The following ACOXL variants were observed in gnomAD, a reference collection of about 807,000 sequenced individuals.
The protein encoded by ACOXL is acyl-CoA oxidase like.
ACOXL carries 70 observed loss-of-function variants against 71.9 expected under a neutral mutation model. The observed-to-expected ratio is 0.97, with a 90% CI of 0.80 to 1.19. The LOEUF (loss-of-function observed/expected upper bound fraction) is 1.19, where lower values mean the gene tolerates loss of function less well. Ranked by LOEUF, ACOXL falls within the 50% of genes most tolerant of loss-of-function variation. ACOXL has a pLI of 0.00. For missense variants in ACOXL, 703 were observed against 736.3 expected (o/e 0.95, Z 0.52); for synonymous variants, 253 against 281.6 (o/e 0.90, Z 1.02).
intron 10 of ACOXL, among the ~76,000 whole-genome samples, chr2:110,874,824 C>T (rs933341264): frequency 2.6e-5 from 4 of 152,128 alleles, no homozygotes; most frequent in African/African-American, 4.8e-5. Context: ...GGCTCCATCC[C>T]GGATCTCGTG....
intron 10 of ACOXL, among the ~76,000 whole-genome samples, chr2:110,845,766 C>G (rs1691760267): frequency 6.6e-6 from 1 of 152,234 alleles, no homozygotes; most frequent in Admixed American, 6.5e-5. Context: ...ACCAGAATTT[C>G]ATTCCCTTCT....
intron 2 of ACOXL, 22 bp downstream of exon 2, chr2:110,768,486 G>A (rs1485069855): frequency 3.2e-6 from 5 of 1,570,850 alleles, no homozygotes; most frequent in East Asian, 2.2e-5. Context: ...TATTATTCTG[G>A]TATGGTTGTG....
intron 12 of ACOXL, among the ~76,000 whole-genome samples, chr2:110,978,716 CATT>C (rs760889754): frequency 2.6e-5 from 4 of 152,096 alleles, no homozygotes; most frequent in Non-Finnish European, 2.9e-5. Flanking sequence ...GTTTGAGTAA[CATT>C]ATAATTCGAA....
chr2:110,741,360 T>G (rs941767198), intron 1 of ACOXL, among the ~76,000 whole-genome samples: 1 of 152,192 alleles, frequency 6.6e-6, no homozygotes, highest in Non-Finnish European at 1.5e-5. Flanking sequence ...GCTGCAGGCC[T>G]CTCTCCTTGG....
intron 9 of ACOXL, among the ~76,000 whole-genome samples, chr2:110,818,588 C>T (rs1257230069): frequency 6.6e-6 from 1 of 150,996 alleles, no homozygotes; most frequent in Non-Finnish European, 1.5e-5. Context: ...TATATATATA[C>T]TCTATGCCTA....
chr2:110,915,419 TATA>T (rs1310917366), intron 11 of ACOXL, among the ~76,000 whole-genome samples: 24 of 133,298 alleles, frequency 1.8e-4, no homozygotes, highest in African/African-American at 7.1e-4. Flanking sequence ...TATATATATA[TATA>T]TATATATTTT....
intron 12 of ACOXL, among the ~76,000 whole-genome samples, chr2:110,974,083 C>G (rs2062336872): frequency 6.6e-6 from 1 of 152,186 alleles, no homozygotes; most frequent in Non-Finnish European, 1.5e-5. Flanking sequence ...GTTGTGCTGG[C>G]TGCCTGTACT....
intron 17 of ACOXL, among the ~76,000 whole-genome samples, chr2:111,115,277 T>C (rs548601920): frequency 6.6e-6 from 1 of 152,344 alleles, no homozygotes; most frequent in Non-Finnish European, 1.5e-5. Context: ...AAAACTAAAC[T>C]TTAATAATAC....
At chr2:110,851,896 C>G (rs1173722856) in intron 10 of ACOXL, among the ~76,000 whole-genome samples, 1 of 152,212 alleles carries the variant, frequency 6.6e-6, no homozygotes, top group African/African-American at 2.4e-5. Flanking sequence ...CTGTCCTGGC[C>G]GCAGAGGTGA....
chr2:110,902,574 C>T (rs1175776496), intron 10 of ACOXL, among the ~76,000 whole-genome samples: 1 of 152,188 alleles, frequency 6.6e-6, no homozygotes, highest in Non-Finnish European at 1.5e-5. Context: ...AGGGTGGGAT[C>T]ACCTGGTGTT....
chr2:110,874,072 C>T (rs1162625531), intron 10 of ACOXL, among the ~76,000 whole-genome samples: 5 of 152,122 alleles, frequency 3.3e-5, no homozygotes, highest in East Asian at 1.9e-4. Context: ...GAGCAAGAGC[C>T]GGGGAGGATG....
chr2:110,968,363 C>A, intron 12 of ACOXL: 2 of 1,129,762 alleles, frequency 1.8e-6, no homozygotes, highest in Non-Finnish European at 2.7e-6. Context: ...TCTCATAGTA[C>A]CAGATGATTC....
intron 9 of ACOXL, among the ~76,000 whole-genome samples, chr2:110,835,662 T>C (rs1690364619): frequency 6.6e-6 from 1 of 152,226 alleles, no homozygotes; most frequent in South Asian, 2.1e-4. Flanking sequence ...GGACATAAAA[T>C]GTGAAAGGCT....
chr2:110,814,409 A>C (rs988392713), intron 9 of ACOXL, among the ~76,000 whole-genome samples: 2 of 151,382 alleles, frequency 1.3e-5, no homozygotes, highest in African/African-American at 2.4e-5. Flanking sequence ...ACACTTATTA[A>C]GTGTGTCCAG....
chr2:110,735,711 C>T (rs527441923), intron 1 of ACOXL, among the ~76,000 whole-genome samples: 1 of 152,332 alleles, frequency 6.6e-6, no homozygotes. Context: ...TGTGCCCGCC[C>T]CTGTCCTATT....
At chr2:111,117,507 T>C (rs2150099690) in intron 17 of ACOXL, 109 bp from the exon 18 acceptor site, 2 of 1,183,786 alleles carry the variant, frequency 1.7e-6, no homozygotes, top group East Asian at 5.1e-5. Context: ...GGGAAACTAG[T>C]TTCCGGGGCC....
At chr2:110,764,162 A>G (rs1327583527) in intron 1 of ACOXL, among the ~76,000 whole-genome samples, 1 of 152,182 alleles carries the variant, frequency 6.6e-6, no homozygotes, top group African/African-American at 2.4e-5. Context: ...TTTCCTTGGT[A>G]TTTACCCAAA....
At chr2:110,967,428 C>T (rs1014353885) in intron 12 of ACOXL, among the ~76,000 whole-genome samples, 1 of 152,118 alleles carries the variant, frequency 6.6e-6, no homozygotes, top group African/African-American at 2.4e-5. Context: ...ATCAGAGTCT[C>T]AGAAGGAGAG....
At chr2:110,987,033 T>C in intron 12 of ACOXL, 75 bp from the exon 13 acceptor site, 2 of 1,185,056 alleles carry the variant, frequency 1.7e-6, no homozygotes, top group Non-Finnish European at 2.4e-6. Flanking sequence ...AAATAGATCT[T>C]ATTGGGTTGC....
Sources: gnomAD v4.1 joint callset for allele counts (sites outside exome capture counted in the v4.1 genomes callset) on GRCh38, gnomAD v4.1.1 for gene constraint, MANE v1.5 for transcripts, NCBI Gene and HGNC (gene_info 2026-07-23, HGNC 2026-07-21) for gene names.